SHC4: variants seen among roughly 807,000 people sequenced by gnomAD.
SHC4 encodes the protein SHC adaptor protein 4, also known as SHC-transforming protein 4.
SHC4 carries 41 observed loss-of-function variants against 69.4 expected under a neutral mutation model. The ratio of observed to expected loss-of-function variants is 0.59; its 90% CI spans 0.46 to 0.77. The LOEUF (loss-of-function observed/expected upper bound fraction) is 0.77. Among genes scored for constraint, SHC4 ranks in the 30% least tolerant of loss-of-function variants. SHC4 has a pLI of 0.00. For synonymous variants in SHC4, 318 were observed against 299.3 expected, an observed-to-expected ratio of 1.06 and a Z score of -0.64; for missense variants, 777 against 783.8, an observed-to-expected ratio of 0.99 and a Z score of 0.10.
intron 1 of SHC4, among the ~76,000 whole-genome samples, chr15:48,960,384 T>C (rs554115333): frequency 7.9e-5 from 12 of 152,280 alleles, no homozygotes; most frequent in African/African-American, 2.9e-4. Context: ...ACTCACTCGT[T>C]TTCCCATGAG....
intron 6 of SHC4, among the ~76,000 whole-genome samples, chr15:48,863,610 G>A (rs1899495439): frequency 6.6e-6 from 1 of 152,152 alleles, no homozygotes; most frequent in Non-Finnish European, 1.5e-5. Context: ...GATGTTTGAT[G>A]CAAATGATCA....
At chr15:48,846,097 A>G (rs1275014207) in intron 9 of SHC4, among the ~76,000 whole-genome samples, 1 of 152,070 alleles carries the variant, frequency 6.6e-6, no homozygotes. Context: ...CTCCTAGGTT[A>G]AAGTGATCCT....
At chr15:48,851,609 C>A (rs936956822) in intron 8 of SHC4, among the ~76,000 whole-genome samples, 11 of 152,164 alleles carry the variant, frequency 7.2e-5, no homozygotes, top group Non-Finnish European at 7.4e-5. Flanking sequence ...ATGTAGCCAA[C>A]CTCTGTCTAA....
intron 4 of SHC4, chr15:48,876,745 G>T: frequency 2.1e-6 from 1 of 470,728 alleles, no homozygotes; most frequent in Non-Finnish European, 3.9e-6. Flanking sequence ...AGCCAAGCTG[G>T]CAGCTGATTA....
intron 2 of SHC4, among the ~76,000 whole-genome samples, chr15:48,900,978 C>A (rs185425194): frequency 1.3e-5 from 2 of 152,328 alleles, no homozygotes; most frequent in Admixed American, 6.5e-5. Flanking sequence ...TCTGTTACAG[C>A]TACTCAATTC....
intron 5 of SHC4, among the ~76,000 whole-genome samples, chr15:48,870,073 T>C (rs74012186): frequency 6.6e-6 from 1 of 152,354 alleles, no homozygotes; most frequent in African/African-American, 2.4e-5. Flanking sequence ...AATTCTAACA[T>C]GATGACAACC....
At chr15:48,857,564 A>G (rs143269059) in intron 7 of SHC4, 128 bp downstream of exon 7, 2 of 851,456 alleles carry the variant, frequency 2.3e-6, no homozygotes, top group African/African-American at 3.5e-5. Flanking sequence ...CAAGAAAAAA[A>G]TTACTAATTT....
At chr15:48,877,819 A>C in intron 4 of SHC4, 1 of 183,366 alleles carries the variant, frequency 5.5e-6, no homozygotes, top group Non-Finnish European at 1.1e-5. Flanking sequence ...GGGAAGAGGA[A>C]GGGGGGGAAG....
chr15:48,849,556 C>A (rs1899166926), intron 9 of SHC4, among the ~76,000 whole-genome samples: 1 of 152,090 alleles, frequency 6.6e-6, no homozygotes, highest in South Asian at 2.1e-4. Context: ...AGTAAGTAGT[C>A]ATTAAATAAA....
At chr15:48,891,963 T>C (rs2141006611) in intron 2 of SHC4, among the ~76,000 whole-genome samples, 1 of 152,322 alleles carries the variant, frequency 6.6e-6, no homozygotes, top group East Asian at 1.9e-4. Context: ...CATGCCATTC[T>C]CCTGCCTCAG....
chr15:48,878,119 G>A, intron 4 of SHC4: 1 of 1,505,922 alleles, frequency 6.6e-7, no homozygotes, highest in Non-Finnish European at 8.9e-7. Context: ...ACGAACGCAC[G>A]GCCGCGCAGC....
chr15:48,963,846 G>C lies in SHC4; in HGVS notation c.-831C>G. On this transcript the variant is annotated 5_prime_UTR_variant, in exon 1 of 12. Coordinates refer to ENST00000332408, the MANE Select transcript of SHC4 (RefSeq NM_203349.4). ...TGAGATGTGCAGGATGATACGCAGC[G>C]TGTTGAAATTTTTATGAATGAACTT... Among the ~76,000 whole-genome samples, 1 of 152,190 alleles carries C rather than the reference G, an allele frequency of 6.6e-6. No homozygotes were observed.
At chr15:48,960,390 A>G (rs1241837882) in intron 1 of SHC4, among the ~76,000 whole-genome samples, 1 of 152,342 alleles carries the variant, frequency 6.6e-6, no homozygotes, top group South Asian at 2.1e-4. Context: ...TCGTTTTCCC[A>G]TGAGGGCCTG....
Position 48,857,796 on chromosome 15 carries a change from G to A in SHC4, c.966C>T (p.Cys322=). ...TGACGTCTTGGGCCATTCCATTGTG[G>A]CATTCCAATATGTGACAGGCTGCAA... ...VNQRACHILE[C]HNGMAQDVIS... Residue 322 remains cysteine, a synonymous_variant, in exon 7 of 12, where the codon TGC becomes TGT. Transcript: ENST00000332408. The A allele has an allele frequency of 1.3e-6, 2 of 1,559,306 alleles. No homozygotes were observed. Among genetic ancestry groups the A allele is most frequent in the Non-Finnish European group, 1.7e-6 (2 of 1,150,860 alleles).
chr15:48,837,063 G>T (rs1469524178), intron 10 of SHC4, among the ~76,000 whole-genome samples: 1 of 152,186 alleles, frequency 6.6e-6, no homozygotes, highest in East Asian at 1.9e-4. Context: ...GTGTGAGTGT[G>T]GGAGGAATGC....
At chr15:48,846,305 T>C (rs1196892254) in intron 9 of SHC4, among the ~76,000 whole-genome samples, 2 of 152,168 alleles carry the variant, frequency 1.3e-5, no homozygotes, top group Non-Finnish European at 1.5e-5. Context: ...TAGCTTAAAA[T>C]ACTGTTGTGA....
rs544168896 is a variant in SHC4, at chr15:48,946,594, A to T, written c.585+15837T>A. The T allele has an allele frequency of 2.1e-3, 2,046 of 984,222 alleles. 2 individuals are homozygous for T. Among genetic ancestry groups the T allele is most frequent in the Non-Finnish European group, 2.3e-3 (1,919 of 828,836 alleles). 61.0% of individuals were successfully genotyped at this position (984,222 alleles called of 1,614,324 possible). On this transcript the variant is annotated intron_variant, in intron 1 of 11. Transcript: ENST00000332408. ...AGAGAAATTTGGAGATTTGTCACAC[A>T]TCCCAGGCCAGAATCTCTTTCACTT...
rs778380941 is a variant in SHC4 at position 48,834,852 on chromosome 15, C to T, written c.1654G>A (p.Ala552Thr). The change falls in exon 11 of 12, where the codon GCA (alanine) becomes ACA (threonine). Residue 552 changes from alanine to threonine, a missense_variant. Coordinates refer to ENST00000332408, the MANE Select transcript of SHC4 (RefSeq NM_203349.4). Reference sequence around the variant, plus strand: ...AGCACATATTGGCCAGGGGATGTTGCACTCTCTCGAACCAAAAAGTCCCCA... The same window carrying T: ...AGCACATATTGGCCAGGGGATGTTGTACTCTCTCGAACCAAAAAGTCCCCA... ...KDGDFLVRES[A>T]TSPGQYVLSG... 6.2e-7 allele frequency: 1 copy of T among 1,614,140 alleles called. No individual in the cohort carries two copies. Among genetic ancestry groups the T allele is most frequent in the Non-Finnish European group, 8.5e-7 (1 of 1,179,994 alleles).
chr15:48,884,431 TG>T lies in SHC4; in HGVS notation c.721-65del, dbSNP rs1241337140. 1.4e-5 allele frequency: 20 copies of T among 1,418,870 alleles called. No homozygotes were observed. In the African/African-American group the frequency reaches 2.3e-4, roughly 17 times the overall value. 87.9% of individuals were successfully genotyped at this position (1,418,870 alleles called of 1,614,324 possible). A position where few individuals can be genotyped will look rare whatever the true frequency, so the allele number is the denominator to read the frequency against. On this transcript the variant is annotated intron_variant, in intron 3 of 11. Transcript: ENST00000332408. ...AATTTTGTTACAGAATAAATGTTAA[TG>T]TTTTTTAAATGTTAAAAATGAGTCA...
Sources: gnomAD v4.1 joint callset for allele counts (sites outside exome capture counted in the v4.1 genomes callset) on GRCh38, gnomAD v4.1.1 for gene constraint, MANE v1.5 for transcripts, NCBI Gene and HGNC (gene_info 2026-07-23, HGNC 2026-07-21) for gene names.